The following NRXN3 variants were observed in gnomAD, a reference collection of about 807,000 sequenced individuals.
The protein encoded by NRXN3 is neurexin 3, also known as neurexin III.
In NRXN3, 32 loss-of-function variants were observed where a neutral mutation model predicts 137.6. The observed-to-expected ratio is 0.23, with a 90% CI of 0.18 to 0.31. The LOEUF is 0.31. NRXN3 is among the 10% of genes least tolerant of loss of function. NRXN3 has a pLI of 1.00. For synonymous variants in NRXN3, 798 were observed against 784.5 expected (o/e 1.02, Z -0.29); for missense variants, 1,574 against 2,062.5 (o/e 0.76, Z 4.59).
chr14:79,721,714 T>G (rs11624148), intron 19 of NRXN3, among the ~76,000 whole-genome samples: 100,225 of 152,052 alleles, frequency 0.66, 34,464 homozygotes, highest in African/African-American at 0.84. Flanking sequence ...CTTAGGTAAT[T>G]GGATTAAATC....
chr14:79,348,167 T>C (rs1431701970), intron 15 of NRXN3, among the ~76,000 whole-genome samples: 2 of 152,158 alleles, frequency 1.3e-5, no homozygotes, highest in Non-Finnish European at 2.9e-5. Context: ...TACCCATCCA[T>C]GAGAAAATGC....
intron 4 of NRXN3, among the ~76,000 whole-genome samples, chr14:78,561,913 T>C (rs1483353647): frequency 7.2e-5 from 11 of 152,186 alleles, no homozygotes; most frequent in African/African-American, 2.7e-4. Flanking sequence ...GAGTTTAAAA[T>C]AGGAAAACAG....
intron 8 of NRXN3, among the ~76,000 whole-genome samples, chr14:78,736,115 C>A (rs1341312617): frequency 6.9e-6 from 1 of 145,944 alleles, no homozygotes; most frequent in Non-Finnish European, 1.5e-5. Context: ...TAGATATTTA[C>A]TACACACATA....
At chr14:79,130,319 G>T (rs1284537395) in intron 15 of NRXN3, among the ~76,000 whole-genome samples, 2 of 152,120 alleles carry the variant, frequency 1.3e-5, no homozygotes, top group Non-Finnish European at 2.9e-5. Flanking sequence ...GCTGGTATCA[G>T]TTGTTCCTTT....
At chr14:79,823,679 A>C (rs1269718197) in intron 20 of NRXN3, among the ~76,000 whole-genome samples, 1 of 152,226 alleles carries the variant, frequency 6.6e-6, no homozygotes, top group African/African-American at 2.4e-5. Context: ...AGAAGAGTAT[A>C]CTAGGAGACC....
intron 4 of NRXN3, among the ~76,000 whole-genome samples, chr14:78,643,937 T>C (rs1330949965): frequency 1.3e-5 from 2 of 152,044 alleles, no homozygotes; most frequent in Admixed American, 6.5e-5. Flanking sequence ...AGTCAAGAGA[T>C]TGAGACCATC....
intron 4 of NRXN3, among the ~76,000 whole-genome samples, chr14:78,641,849 A>G (rs1382038402): frequency 1.3e-5 from 2 of 152,252 alleles, no homozygotes; most frequent in Non-Finnish European, 2.9e-5. Context: ...TGTGATTTGC[A>G]TAGGCCTTTT....
intron 10 of NRXN3, among the ~76,000 whole-genome samples, chr14:78,857,485 T>A (rs2099060747): frequency 6.6e-6 from 1 of 152,088 alleles, no homozygotes; most frequent in Admixed American, 6.6e-5. Context: ...CTTAAAGAAA[T>A]CCAAGCTTTC....
At chr14:78,999,512 C>T (rs193207467) in intron 15 of NRXN3, among the ~76,000 whole-genome samples, 1 of 152,236 alleles carries the variant, frequency 6.6e-6, no homozygotes, top group Admixed American at 6.5e-5. Flanking sequence ...GAAAAGAACA[C>T]TAACAGTTTT....
intron 10 of NRXN3, among the ~76,000 whole-genome samples, chr14:78,867,889 TATAA>T (rs1219976258): frequency 6.6e-6 from 1 of 151,284 alleles, no homozygotes; most frequent in African/African-American, 2.4e-5. Flanking sequence ...ATAAGTTTTA[TATAA>T]ATAAATATAT....
chr14:79,662,612 A>T (rs1425419003), intron 16 of NRXN3, among the ~76,000 whole-genome samples: 1 of 152,122 alleles, frequency 6.6e-6, no homozygotes, highest in Non-Finnish European at 1.5e-5. Flanking sequence ...AGTGATTTAT[A>T]AAGAAAAGAG....
At chr14:78,628,598 T>C (rs2097489991) in intron 4 of NRXN3, among the ~76,000 whole-genome samples, 1 of 152,248 alleles carries the variant, frequency 6.6e-6, no homozygotes, top group Admixed American at 6.5e-5. Context: ...ACTATGTTTA[T>C]TTGGCTCTCC....
chr14:79,261,054 G>A (rs1284905269), intron 15 of NRXN3, among the ~76,000 whole-genome samples: 1 of 152,136 alleles, frequency 6.6e-6, no homozygotes, highest in Non-Finnish European at 1.5e-5. Flanking sequence ...TCAAAGGTAA[G>A]AAAGGGGCTC....
intron 4 of NRXN3, among the ~76,000 whole-genome samples, chr14:78,326,162 C>T (rs931196692): frequency 6.6e-6 from 1 of 152,122 alleles, no homozygotes; most frequent in Non-Finnish European, 1.5e-5. Flanking sequence ...GAAAGCCACC[C>T]AACATTTTTT....
At chr14:79,667,182 A>T (rs1472490794) in intron 17 of NRXN3, among the ~76,000 whole-genome samples, 1 of 152,248 alleles carries the variant, frequency 6.6e-6, no homozygotes, top group Admixed American at 6.5e-5. Flanking sequence ...CTGGCAAGGC[A>T]GTCTTGACAG....
At chr14:78,732,143 A>C (rs2152903234) in intron 8 of NRXN3, among the ~76,000 whole-genome samples, 1 of 152,302 alleles carries the variant, frequency 6.6e-6, no homozygotes, top group South Asian at 2.1e-4. Flanking sequence ...AAAGGAGTAC[A>C]AGAAGGAGCA....
intron 15 of NRXN3, among the ~76,000 whole-genome samples, chr14:79,433,733 A>G (rs1206735225): frequency 2.0e-5 from 3 of 152,246 alleles, no homozygotes; most frequent in African/African-American, 4.8e-5. Context: ...AGATGATAAC[A>G]CTGGTCCACT....
At chr14:78,998,995 A>G (rs1481681383) in intron 15 of NRXN3, among the ~76,000 whole-genome samples, 1 of 152,056 alleles carries the variant, frequency 6.6e-6, no homozygotes, top group East Asian at 1.9e-4. Flanking sequence ...CTTCACTTAG[A>G]ATTATAGTTT....
At chr14:78,274,908 C>T (rs143391758) in intron 2 of NRXN3, among the ~76,000 whole-genome samples, 2,559 of 152,224 alleles carry the variant, frequency 0.017, 59 homozygotes, top group Admixed American at 0.076. Context: ...TACCTGTTAC[C>T]TACTGAGGAC....
Sources: gnomAD v4.1 joint callset for allele counts (sites outside exome capture counted in the v4.1 genomes callset) on GRCh38, gnomAD v4.1.1 for gene constraint, MANE v1.5 for transcripts, NCBI Gene and HGNC (gene_info 2026-07-23, HGNC 2026-07-21) for gene names.